CDC7: variants seen among roughly 807,000 people sequenced by gnomAD.
CDC7 encodes the protein cell division cycle 7-related protein kinase.
CDC7 carries 34 observed loss-of-function variants against 53.5 expected under a neutral mutation model. The ratio of observed to expected loss-of-function variants is 0.64; its 90% CI spans 0.48 to 0.85. CDC7 has a LOEUF of 0.85. CDC7 is among the 40% of genes least tolerant of loss of function. The pLI, the probability that CDC7 is intolerant of heterozygous loss-of-function variation, is 0.00. For missense variants in CDC7, 594 were observed against 679.7 expected, an observed-to-expected ratio of 0.87 and a Z score of 1.40; for synonymous variants, 211 against 222.8, an observed-to-expected ratio of 0.95 and a Z score of 0.47.
chr1:91,514,904 G>A lies in CDC7; in HGVS notation c.1004G>A (p.Ser335Asn), dbSNP rs141732646. The change falls in exon 9 of 12, where the codon AGT (serine) becomes AAT (asparagine). Residue 335 changes from serine (S) to asparagine (N), a missense_variant. Physicochemically the swap from Ser to Asn is conservative, Grantham distance 46 (BLOSUM62 1). Coordinates refer to ENST00000234626, the MANE Select transcript of CDC7 (RefSeq NM_003503.4). ...KKAISTKVMN[S>N]AVMRKTASSC... ...GCTATTTCTACAAAAGTTATGAATA[G>A]TGCTGTGATGAGGAAAACTGCCAGT... The A allele has an allele frequency of 1.5e-4, 249 of 1,613,668 alleles. No homozygotes were observed. The African/African-American group carries it at 2.9e-3, about 19-fold the overall frequency.
intron 4 of CDC7, among the ~76,000 whole-genome samples, chr1:91,509,506 A>G (rs1005242803): frequency 6.6e-6 from 1 of 152,056 alleles, no homozygotes; most frequent in Non-Finnish European, 1.5e-5. Context: ...AACCACATTA[A>G]TCACTAAGTC....
At chr1:91,508,060 G>T in intron 3 of CDC7, 123 bp downstream of exon 3, 1 of 870,030 alleles carries the variant, frequency 1.1e-6, no homozygotes, top group Non-Finnish European at 1.7e-6. Context: ...AGACTATTAA[G>T]ACCATAGTTT....
rs13447538 is a variant in CDC7 at position 91,520,008 on chromosome 1, G to T, written c.1181-122G>T. On this transcript the variant is annotated intron_variant, in intron 10 of 11. Transcript: ENST00000234626. ...GTTCAATCAAAATCTTTGGGTCTGGGCATCTGAAATTTTTAAGGCTCCCAA... is the reference window on the plus strand; with the variant it reads ...GTTCAATCAAAATCTTTGGGTCTGGTCATCTGAAATTTTTAAGGCTCCCAA... The T allele has an allele frequency of 7.8e-4, 520 of 670,594 alleles. 1 individual carries two copies. The highest frequency in any genetic ancestry group is 1.1e-3 in the South Asian group (33 of 30,908). The allele number at this position is 670,594 out of a possible 1,614,324, so 41.5% of individuals were successfully genotyped here.
chr1:91,514,793 A>G, intron 8 of CDC7, 26 bp from the exon 9 acceptor site: 1 of 1,524,906 alleles, frequency 6.6e-7, no homozygotes. Flanking sequence ...TCATGAAAAT[A>G]GAAAAATGAG....
chr1:91,508,978 A>G (rs1222268185), intron 4 of CDC7, among the ~76,000 whole-genome samples: 5 of 152,084 alleles, frequency 3.3e-5, no homozygotes, highest in African/African-American at 1.2e-4. Context: ...GTTCTTCTCT[A>G]TGCTAAACTG....
At chr1:91,509,173 T>C (rs1041214929) in intron 4 of CDC7, among the ~76,000 whole-genome samples, 4 of 152,168 alleles carry the variant, frequency 2.6e-5, no homozygotes, top group African/African-American at 4.8e-5. Context: ...TCCTCGTGCT[T>C]GCTCTTAGGT....
At chr1:91,522,601 GA>G (rs1478635103) in intron 11 of CDC7, among the ~76,000 whole-genome samples, 1 of 152,112 alleles carries the variant, frequency 6.6e-6, no homozygotes, top group African/African-American at 2.4e-5. Context: ...ATAACTTGGG[GA>G]CATGCTATAA....
rs375886193 is a variant in CDC7, at chr1:91,511,814, C to T, written c.463C>T (p.Arg155Trp). ...GAATTCTCTTTCCTTTCAAGAAGTA[C>T]GGGAATATATGCTTAATCTGTTCAA... ...ILNSLSFQEV[R>W]EYMLNLFKAL... Residue 155 changes from arginine to tryptophan, a missense_variant, in exon 6 of 12, where the codon CGG (arginine) becomes TGG (tryptophan). By Grantham distance (101) the Arg-to-Trp change is moderately radical. Transcript: ENST00000234626. The T allele has an allele frequency of 4.3e-5, 69 of 1,605,208 alleles. No homozygotes were observed. Among genetic ancestry groups the T allele is most frequent in the African/African-American group, 8.0e-5 (6 of 74,704 alleles).
intron 2 of CDC7, among the ~76,000 whole-genome samples, chr1:91,503,351 T>C (rs1168093248): frequency 6.6e-6 from 1 of 152,222 alleles, no homozygotes; most frequent in African/African-American, 2.4e-5. Context: ...TATATAAACA[T>C]AACTTCAATA....
rs764075255 is a variant in CDC7 at position 91,501,722 on chromosome 1, G to A, written c.6G>A (p.Glu2=). ...TGCATCTCAATTGGCTTGTGATGGA[G>A]GCGTCTTTGGGGATTCAGATGGATG... The part of the protein sequence containing the change: M[E]ASLGIQMDEP... The change falls in exon 2 of 12, where the codon GAG becomes GAA. Residue 2 remains glutamate, a synonymous_variant. Coordinates refer to ENST00000234626, the MANE Select transcript of CDC7 (RefSeq NM_003503.4). 3 of 1,613,374 alleles carry A rather than the reference G, an allele frequency of 1.9e-6. No individual in the cohort carries two copies. Among genetic ancestry groups the A allele is most frequent in the African/African-American group, 2.7e-5 (2 of 74,878 alleles).
chr1:91,524,763 T>G lies in CDC7; in HGVS notation c.*328T>G, dbSNP rs1668175135. ...CAGTTTTAGTTTTAATTAATTAAAATTAACAGATGTGATGAGGATTAAATG... is the reference window on the plus strand; with the variant it reads ...CAGTTTTAGTTTTAATTAATTAAAAGTAACAGATGTGATGAGGATTAAATG... On this transcript the variant is annotated 3_prime_UTR_variant, in exon 12 of 12. Coordinates refer to ENST00000234626, the MANE Select transcript of CDC7 (RefSeq NM_003503.4). 5.0e-6 allele frequency: 1 copy of G among 201,096 alleles called. No homozygotes were observed. The allele number at this position is 201,096 out of a possible 1,614,324, so 12.5% of individuals were successfully genotyped here.
intron 4 of CDC7, among the ~76,000 whole-genome samples, chr1:91,509,167 C>G (rs1232393256): frequency 2.0e-5 from 3 of 152,054 alleles, no homozygotes; most frequent in African/African-American, 4.8e-5. Context: ...TGGAGTTCCT[C>G]GTGCTTGCTC....
rs557044037 is a variant in CDC7, at chr1:91,510,519, C to G, written c.336-1078C>G. Among the ~76,000 whole-genome samples the G allele has an allele frequency of 1.3e-5, 2 of 152,294 alleles. 1 individual carries two copies. Among genetic ancestry groups the G allele is most frequent in the South Asian group, 4.1e-4 (2 of 4,834 alleles). On this transcript the variant is annotated intron_variant, in intron 4 of 11. Coordinates refer to ENST00000234626, the MANE Select transcript of CDC7 (RefSeq NM_003503.4). ...GAATAAGCCTGTTTGTTTCAGCCTT[C>G]TGTGTATTATAGAAGACAAGAAAAT...
Position 91,513,073 on chromosome 1 carries a change from CT to C in CDC7, c.591del (p.Phe197LeufsTer12). On this transcript the variant is annotated frameshift_variant, in exon 7 of 12. Transcript: ENST00000234626. LOFTEE classifies it high-confidence loss of function. The part of the protein sequence containing the change: ...RRLKKYALVD[F>X]GLAQGTHDTK... Reference sequence around the variant, plus strand: ...TGTCTCTTAGGTATGCCTTGGTAGACTTTGGTTTGGCCCAAGGAACCCATGA... The same window carrying C: ...TGTCTCTTAGGTATGCCTTGGTAGACTTGGTTTGGCCCAAGGAACCCATGA... The C allele has an allele frequency of 1.9e-6, 3 of 1,613,408 alleles. No homozygotes were observed. The highest frequency in any genetic ancestry group is 2.5e-6 in the Non-Finnish European group (3 of 1,179,540).
At chr1:91,523,915 T>A in intron 11 of CDC7, 126 bp from the exon 12 acceptor site, 1 of 623,180 alleles carries the variant, frequency 1.6e-6, no homozygotes. Flanking sequence ...TGTGTGTGTG[T>A]GTGTGTGTGT....
rs1667854534 is a variant in CDC7, at chr1:91,520,215, T to G, written c.1266T>G (p.Thr422=). Reference sequence around the variant, plus strand: ...TTTATAAAGCAAGTGATGATTTAACTGCTTTGGCCCAAATTATGACAATTA... The same window carrying G: ...TTTATAAAGCAAGTGATGATTTAACGGCTTTGGCCCAAATTATGACAATTA... The part of the protein sequence containing the change: ...YPFYKASDDL[T]ALAQIMTIRG... The change falls in exon 11 of 12, where the codon ACT becomes ACG. Residue 422 remains threonine, a synonymous_variant. Coordinates refer to ENST00000234626, the MANE Select transcript of CDC7 (RefSeq NM_003503.4). 6.2e-7 allele frequency: 1 copy of G among 1,609,738 alleles called. No homozygotes were observed.
chr1:91,507,821 G>T, intron 2 of CDC7, 33 bp from the exon 3 acceptor site: 1 of 1,213,676 alleles, frequency 8.2e-7, no homozygotes, highest in South Asian at 1.4e-5. Context: ...TACTGTCATT[G>T]ATTAAAACTC....
Position 91,524,519 on chromosome 1 carries a change from A to T in CDC7, c.*84A>T. On this transcript the variant is annotated 3_prime_UTR_variant, in exon 12 of 12. Coordinates refer to ENST00000234626, the MANE Select transcript of CDC7 (RefSeq NM_003503.4). ...AATAGCCACAAGTTCTTGTTTAGAG[A>T]CCAGAGCAGGATTAATAATTTATTT... The T allele has an allele frequency of 9.8e-7, 1 of 1,016,430 alleles. No individual in the cohort carries two copies. Among genetic ancestry groups the T allele is most frequent in the South Asian group, 1.6e-5 (1 of 63,432 alleles). 63.0% of individuals were successfully genotyped at this position (1,016,430 alleles called of 1,614,324 possible).
intron 6 of CDC7, among the ~76,000 whole-genome samples, 161 bp downstream of exon 6, chr1:91,512,084 C>T (rs947604214): frequency 3.3e-5 from 5 of 151,854 alleles, no homozygotes; most frequent in African/African-American, 7.3e-5. Flanking sequence ...TTTGTTTTTA[C>T]GGCAAGAGCA....
Sources: allele counts gnomAD v4.1 joint callset (sites outside exome capture counted in the v4.1 genomes callset), GRCh38; gene constraint gnomAD v4.1.1; transcripts MANE v1.5; gene names NCBI Gene and HGNC (gene_info 2026-07-23, HGNC 2026-07-21).